Variants in PROSER3 observed in about 807,000 individuals in gnomAD.
The protein encoded by PROSER3 is proline and serine-rich protein 3.
A neutral mutation model predicts 50.2 loss-of-function variants in PROSER3; 33 were observed. The observed-to-expected ratio is 0.66, with a 90% CI of 0.50 to 0.88. The LOEUF is 0.88. PROSER3 is among the 40% of genes least tolerant of loss of function. The pLI, the probability that PROSER3 is intolerant of heterozygous loss-of-function variation, is 0.00. For synonymous variants in PROSER3, 266 were observed against 259.3 expected (o/e 1.03, Z -0.25); for missense variants, 623 against 612.7 (o/e 1.02, Z -0.18).
intron 2 of PROSER3, 87 bp downstream of exon 2, chr19:35,759,557 T>G: frequency 3.1e-6 from 4 of 1,277,960 alleles, no homozygotes; most frequent in Non-Finnish European, 4.4e-6. Context: ...TGATGAGAGA[T>G]AGGGATGAGA....
chr19:35,761,034 CAG>C (rs1970939494), intron 3 of PROSER3, among the ~76,000 whole-genome samples: 2 of 152,216 alleles, frequency 1.3e-5, no homozygotes, highest in African/African-American at 4.8e-5. Context: ...GTTGAGGTGT[CAG>C]GGACACAGGT....
chr19:35,768,509 A>C (rs763794014), exon 11 of PROSER3: 2 of 1,597,620 alleles, frequency 1.3e-6, no homozygotes. Flanking sequence ...GGCTGCTAAG[A>C]AGGGAAGGAG....
chr19:35,768,698 C>T, exon 11 of PROSER3: 2 of 854,300 alleles, frequency 2.3e-6, no homozygotes, highest in African/African-American at 1.8e-5. Context: ...TGGCTCTGCC[C>T]TGCCCCCCAC....
exon 11 of PROSER3, chr19:35,768,522 T>C: frequency 6.3e-7 from 1 of 1,596,396 alleles, no homozygotes; most frequent in Non-Finnish European, 8.5e-7. Flanking sequence ...GGAAGGAGAT[T>C]CCCTGGAGGC....
At chr19:35,767,970 C>A (rs746930445) in exon 9 of PROSER3, 2 of 1,607,448 alleles carry the variant, frequency 1.2e-6, no homozygotes, top group Middle Eastern at 1.6e-4. Context: ...CAGGTGGGGT[C>A]TCCGGAGGCC....
At chr19:35,762,297 A>T in exon 5 of PROSER3, 1 of 1,611,868 alleles carries the variant, frequency 6.2e-7, no homozygotes, top group African/African-American at 1.3e-5. Flanking sequence ...AGCTGTCCCT[A>T]CTGCGGTCAA....
At chr19:35,759,189 G>A in intron 1 of PROSER3, 185 bp from the exon 2 acceptor site, 1 of 586,476 alleles carries the variant, frequency 1.7e-6, no homozygotes. Flanking sequence ...TGCTCCAGGG[G>A]CGGGCTCCCA....
chr19:35,769,286 G>C (rs867063659), downstream of PROSER3: 34 of 150,638 alleles, frequency 2.3e-4, no homozygotes, highest in African/African-American at 7.8e-4. Flanking sequence ...TTTCCCCCTA[G>C]GCGTGCCTCT....
chr19:35,765,019 G>T lies in PROSER3; in HGVS notation c.627-15G>T, dbSNP rs746297894. The T allele has an allele frequency of 1.9e-6, 3 of 1,612,792 alleles. No homozygotes were observed. Among genetic ancestry groups the T allele is most frequent in the Non-Finnish European group, 2.5e-6 (3 of 1,179,450 alleles). On this transcript the variant is annotated splice_polypyrimidine_tract_variant and intron_variant, in intron 6 of 10. Transcript: ENST00000396908. ...TCGAGACCTCCATTGCCTCACTCCT[G>T]CCTTCTCCCTGCAGCAAAGCCTCCA...
intron 3 of PROSER3, among the ~76,000 whole-genome samples, chr19:35,760,984 G>C (rs1970938097): frequency 6.6e-6 from 1 of 152,212 alleles, no homozygotes; most frequent in Admixed American, 6.5e-5. Flanking sequence ...CTCACCTGCA[G>C]TCCAGGCAGA....
intron 7 of PROSER3, 128 bp from the exon 8 acceptor site, chr19:35,766,640 G>C (rs1971150005): frequency 1.5e-6 from 1 of 647,424 alleles, no homozygotes; most frequent in Non-Finnish European, 2.7e-6. Context: ...GAGAGGAGCT[G>C]GGACAGTATC....
At chr19:35,769,177 C>T (rs1268583694) in exon 11 of PROSER3, 1 of 152,206 alleles carries the variant, frequency 6.6e-6, no homozygotes, top group Non-Finnish European at 1.5e-5. Flanking sequence ...GTAACCTAGA[C>T]CTGGCCACGA....
intron 10 of PROSER3, 77 bp from the exon 11 acceptor site, chr19:35,768,327 C>A: frequency 6.3e-7 from 1 of 1,579,212 alleles, no homozygotes; most frequent in South Asian, 1.1e-5. Context: ...CATCCCCTGT[C>A]CCAGCAGTCC....
At chr19:35,765,275 C>T (rs1971107428) in intron 7 of PROSER3, 99 bp downstream of exon 7, 52 of 1,389,884 alleles carry the variant, frequency 3.7e-5, no homozygotes, top group Non-Finnish European at 4.7e-5. Flanking sequence ...GGCCTTGTTT[C>T]TCCAGCTGTA....
In PROSER3 at chr19:35,768,540, CTT is replaced by C. The variant is rs1568415948; in HGVS notation, c.1440_1441del (p.Ter481AsnfsTer38). 2 of 1,589,894 alleles carry C rather than the reference CTT, an allele frequency of 1.3e-6. No homozygotes were observed. The highest frequency in any genetic ancestry group is 1.7e-4 in the Middle Eastern group (1 of 6,004). On this transcript the variant is annotated frameshift_variant, in exon 11 of 11. Coordinates refer to ENST00000396908, the Ensembl canonical transcript of PROSER3. LOFTEE classifies it high-confidence loss of function. ...AGGAGATTCCCTGGAGGCCAGAAGA[CTT>C]TGAATTGTACAGATTCTATTTTACC...
At chr19:35,760,123 A>G (rs1320056700) in intron 3 of PROSER3, 132 bp downstream of exon 3, 3 of 965,164 alleles carry the variant, frequency 3.1e-6, no homozygotes, top group African/African-American at 3.3e-5. Context: ...ATGTGTGTTA[A>G]GAACTCTGGT....
In PROSER3 at chr19:35,766,281, C is replaced by T. The variant is rs528427769; in HGVS notation, c.770-487C>T. 7.9e-5 allele frequency among the ~76,000 whole-genome samples: 12 copies of T among 152,256 alleles called. 1 individual carries two copies. The South Asian group carries it at 1.2e-3, about 16-fold the overall frequency. ...GAATGAAACCAGGCACTGTGACTCACGCCTATAATCCCAGCACTTTGGGAG... is the reference window on the plus strand; with the variant it reads ...GAATGAAACCAGGCACTGTGACTCATGCCTATAATCCCAGCACTTTGGGAG... On this transcript the variant is annotated intron_variant, in intron 7 of 10. Transcript: ENST00000396908.
intron 5 of PROSER3, 64 bp downstream of exon 5, chr19:35,762,420 AT>A: frequency 7.1e-7 from 1 of 1,418,424 alleles, no homozygotes; most frequent in Non-Finnish European, 9.7e-7. Context: ...CTAGGACAGA[AT>A]TAGAAGATCA....
At chr19:35,765,054 C>T (rs911291615) in exon 7 of PROSER3, 1 of 1,613,758 alleles carries the variant, frequency 6.2e-7, no homozygotes, top group African/African-American at 1.3e-5. Context: ...ATCTCCTCCT[C>T]CTCCTCCCTC....
Sources: gnomAD v4.1 joint callset for allele counts (sites outside exome capture counted in the v4.1 genomes callset) on GRCh38, gnomAD v4.1.1 for gene constraint, MANE v1.5 for transcripts, NCBI Gene and HGNC (gene_info 2026-07-23, HGNC 2026-07-21) for gene names.